Variants in SOX6 observed in about 807,000 individuals in gnomAD.
SOX6 encodes transcription factor SOX-6.
Under a neutral mutation model 97.8 loss-of-function variants are expected in SOX6, and 11 were observed. That is an observed-to-expected ratio of 0.11 (90% CI 0.07 to 0.19). The LOEUF (loss-of-function observed/expected upper bound fraction) is 0.19. Ranked by LOEUF, SOX6 falls within the 10% of genes least tolerant of loss-of-function variation. The probability of loss-of-function intolerance (pLI) is 1.00; values close to 1 mark genes in which losing one functional copy is unlikely to be tolerated. For synonymous variants in SOX6, 360 were observed against 371.4 expected, an observed-to-expected ratio of 0.97 and a Z score of 0.35; for missense variants, 810 against 1,039.5, an observed-to-expected ratio of 0.78 and a Z score of 3.04.
intron 4 of SOX6, among the ~76,000 whole-genome samples, chr11:16,214,036 T>C (rs1852300484): frequency 6.6e-6 from 1 of 152,200 alleles, no homozygotes; most frequent in Admixed American, 6.5e-5. Context: ...CTTATGATAA[T>C]GGAAATGTTC....
intron 1 of SOX6, among the ~76,000 whole-genome samples, chr11:16,406,433 A>G (rs1227455417): frequency 1.3e-5 from 2 of 152,126 alleles, no homozygotes; most frequent in African/African-American, 4.8e-5. Flanking sequence ...GTTCACTAAC[A>G]TATCTTGTGG....
At chr11:16,704,879 G>A (rs561219854) in intron 3 of SOX6, among the ~76,000 whole-genome samples, 1 of 152,216 alleles carries the variant, frequency 6.6e-6, no homozygotes, top group African/African-American at 2.4e-5. Context: ...TTTCCAGTGA[G>A]AATATTCAAA....
At chr11:16,366,208 C>T (rs1857355683) in intron 1 of SOX6, among the ~76,000 whole-genome samples, 2 of 152,110 alleles carry the variant, frequency 1.3e-5, no homozygotes, top group Non-Finnish European at 2.9e-5. Context: ...TTAGACTATT[C>T]TCTCTGCCAG....
intron 15 of SOX6, among the ~76,000 whole-genome samples, chr11:15,981,254 G>A (rs967813582): frequency 5.3e-5 from 8 of 152,030 alleles, no homozygotes; most frequent in Admixed American, 5.3e-4. Flanking sequence ...AACAACATTT[G>A]TGGATGTTTG....
At chr11:16,553,004 T>C (rs1467858449) in intron 4 of SOX6, among the ~76,000 whole-genome samples, 1 of 152,236 alleles carries the variant, frequency 6.6e-6, no homozygotes, top group Admixed American at 6.5e-5. Flanking sequence ...TCATTTTTGA[T>C]ATAAGTATTA....
rs561399483 is a variant in SOX6, at chr11:16,564,725, T to A, written n.609+47356A>T. On this transcript the variant is annotated intron_variant and non_coding_transcript_variant, in intron 4 of 5. Transcript: ENST00000524520. ...CAAATAATCCATGAGTCAAAAAAAA[T>A]TTTCAAAAGAAATTTTTTTAAAAAA... 1.1e-4 allele frequency among the ~76,000 whole-genome samples: 16 copies of A among 151,836 alleles called. 1 individual carries two copies. Among genetic ancestry groups the A allele is most frequent in the Admixed American group, 2.0e-4 (3 of 15,256 alleles).
At chr11:16,565,292 C>T (rs1008416361) in intron 4 of SOX6, among the ~76,000 whole-genome samples, 2 of 152,090 alleles carry the variant, frequency 1.3e-5, no homozygotes, top group Non-Finnish European at 2.9e-5. Flanking sequence ...CCCTATAACT[C>T]TTAAGAAAAT....
intron 3 of SOX6, among the ~76,000 whole-genome samples, chr11:16,625,758 A>C (rs1448383248): frequency 6.6e-6 from 1 of 152,232 alleles, no homozygotes; most frequent in African/African-American, 2.4e-5. Context: ...CAGATTGGTA[A>C]ACACATGAAG....
At chr11:16,370,341 T>C (rs1417201964) in intron 1 of SOX6, among the ~76,000 whole-genome samples, 2 of 152,164 alleles carry the variant, frequency 1.3e-5, no homozygotes, top group Non-Finnish European at 2.9e-5. Flanking sequence ...ACTTATCATG[T>C]TTTTTGTCCT....
At chr11:16,474,026 G>A (rs142250965) in intron 1 of SOX6, among the ~76,000 whole-genome samples, 36 of 152,078 alleles carry the variant, frequency 2.4e-4, no homozygotes, top group African/African-American at 8.2e-4. Flanking sequence ...CTTTCACCAG[G>A]GTAGTTTCCA....
chr11:16,073,620 C>CA (rs1213423546), intron 9 of SOX6, among the ~76,000 whole-genome samples: 2 of 151,932 alleles, frequency 1.3e-5, no homozygotes, highest in Non-Finnish European at 2.9e-5. Context: ...CTCCACCCCA[C>CA]AAAAAAACAG....
chr11:16,065,892 C>T (rs1564934626), intron 9 of SOX6, among the ~76,000 whole-genome samples: 1 of 151,974 alleles, frequency 6.6e-6, no homozygotes, highest in African/African-American at 2.4e-5. Flanking sequence ...GAACAGGCAA[C>T]CAAAGCAAAA....
chr11:16,634,036 C>T (rs1305984357), intron 3 of SOX6, among the ~76,000 whole-genome samples: 1 of 152,096 alleles, frequency 6.6e-6, no homozygotes, highest in Non-Finnish European at 1.5e-5. Context: ...AGATGATCAA[C>T]AAACACCAAT....
At chr11:16,702,456 A>G (rs1159188938) in intron 3 of SOX6, among the ~76,000 whole-genome samples, 1 of 152,174 alleles carries the variant, frequency 6.6e-6, no homozygotes, top group Admixed American at 6.5e-5. Context: ...TATGAAATAA[A>G]GCATGCATCC....
chr11:16,007,788 T>C (rs533031394), intron 13 of SOX6, among the ~76,000 whole-genome samples: 5 of 152,172 alleles, frequency 3.3e-5, no homozygotes, highest in Non-Finnish European at 5.9e-5. Flanking sequence ...ACTCTATCAG[T>C]CAGGGTTTAA....
chr11:16,166,592 A>C (rs570224593), intron 6 of SOX6, among the ~76,000 whole-genome samples: 1 of 152,298 alleles, frequency 6.6e-6, no homozygotes, highest in South Asian at 2.1e-4. Flanking sequence ...TGTAGGAGGG[A>C]CAAGACATGA....
intron 3 of SOX6, among the ~76,000 whole-genome samples, chr11:16,705,761 T>C (rs73421110): frequency 0.023 from 3,527 of 152,252 alleles, 140 homozygotes; most frequent in African/African-American, 0.081. Flanking sequence ...AAGTTGGTAG[T>C]AATTCAAACT....
intron 12 of SOX6, among the ~76,000 whole-genome samples, chr11:16,040,805 C>A (rs1855640734): frequency 6.6e-6 from 1 of 151,922 alleles, no homozygotes; most frequent in African/African-American, 2.4e-5. Flanking sequence ...ATCTGTGAAA[C>A]AAGGACAGTA....
chr11:16,684,076 G>A (rs545693725), intron 3 of SOX6, among the ~76,000 whole-genome samples: 165 of 152,312 alleles, frequency 1.1e-3, no homozygotes, highest in Non-Finnish European at 2.0e-3. Context: ...TCATTAAAAA[G>A]TCAGGAAACA....
Sources: gnomAD v4.1 joint callset for allele counts (sites outside exome capture counted in the v4.1 genomes callset) on GRCh38, gnomAD v4.1.1 for gene constraint, MANE v1.5 for transcripts, NCBI Gene and HGNC (gene_info 2026-07-23, HGNC 2026-07-21) for gene names.